The following SEMA4A variants were observed in gnomAD, a reference collection of about 807,000 sequenced individuals.
SEMA4A encodes the protein semaphorin 4A, also known as semaphorin-4A.
SEMA4A carries 52 observed loss-of-function variants against 72.5 expected under a neutral mutation model. That is an observed-to-expected ratio of 0.72 (90% confidence interval 0.57 to 0.90). The LOEUF (loss-of-function observed/expected upper bound fraction) is 0.90. Among genes scored for constraint, SEMA4A ranks in the 40% least tolerant of loss-of-function variants. The pLI is 0.00. For missense variants in SEMA4A, 926 were observed against 959.7 expected (o/e 0.96, Z 0.46); for synonymous variants, 369 against 393.1 (o/e 0.94, Z 0.73).
intron 9 of SEMA4A, 91 bp from the exon 10 acceptor site, chr1:156,162,853 C>T (rs1259723025): frequency 1.9e-6 from 3 of 1,543,312 alleles, no homozygotes; most frequent in Non-Finnish European, 2.7e-6. Context: ...ACACTCTTGC[C>T]TCCTGGGTTT....
At chr1:156,166,535 A>G (rs1349576414) in intron 10 of SEMA4A, among the ~76,000 whole-genome samples, 1 of 152,002 alleles carries the variant, frequency 6.6e-6, no homozygotes, top group Non-Finnish European at 1.5e-5. Context: ...CTACTGTCCA[A>G]GTCTTTGGTT....
upstream of SEMA4A, chr1:156,150,085 A>C (rs1652408612): frequency 6.8e-6 from 1 of 146,676 alleles, no homozygotes; most frequent in Admixed American, 6.9e-5. Context: ...CGGCATCCCC[A>C]GGCTCCAGGT....
At position 156,154,864 on chromosome 1, in the gene SEMA4A, G is replaced by A. The variant is rs560840228; in HGVS notation, c.139+147G>A. The A allele has an allele frequency of 8.8e-5, 90 of 1,020,566 alleles. 1 individual carries two copies. The highest frequency in any genetic ancestry group is 2.7e-4 in the Admixed American group (10 of 36,444). The allele number at this position is 1,020,566 out of a possible 1,614,324, so 63.2% of individuals were successfully genotyped here. On this transcript the variant is annotated intron_variant, in intron 2 of 14. Coordinates refer to ENST00000368285, the MANE Select transcript of SEMA4A (RefSeq NM_022367.4). The stretch of plus-strand genomic sequence containing the variant: ...ATGCCAGGGAGAAACAGAGGATCTC[G>A]GAGAAAGAGAGACACAGCCAGAAAC...
intron 10 of SEMA4A, among the ~76,000 whole-genome samples, chr1:156,169,407 CTTTTTTTTTT>C (rs766983966): frequency 2.0e-4 from 17 of 85,300 alleles, no homozygotes; most frequent in African/African-American, 7.4e-4. Context: ...CTTTTCTTTT[CTTTTTTTTTT>C]TTTTTTTTTT....
In SEMA4A at chr1:156,159,124, A is replaced by G. The variant is rs960074375; in HGVS notation, c.568+300A>G. The stretch of plus-strand genomic sequence containing the variant: ...TGAGGTGGGTGGATCATGTGACCCC[A>G]GGAGTCTGAGACCAGCCTGGTAAAC... On this transcript the variant is annotated intron_variant, in intron 6 of 14. Transcript: ENST00000368285. 3 of 413,260 alleles carry G rather than the reference A, an allele frequency of 7.3e-6. No homozygotes were observed. In the Admixed American group the frequency reaches 1.2e-4, roughly 16 times the overall value. 25.6% of individuals were successfully genotyped at this position (413,260 alleles called of 1,614,324 possible).
At chr1:156,167,082 G>A (rs1355322405) in intron 10 of SEMA4A, among the ~76,000 whole-genome samples, 1 of 151,538 alleles carries the variant, frequency 6.6e-6, no homozygotes, top group Non-Finnish European at 1.5e-5. Context: ...TTAATATTTT[G>A]TAGAGGCAGG....
chr1:156,176,522 C>G lies in SEMA4A; in HGVS notation c.1811C>G (p.Thr604Ser), dbSNP rs777396925. Reference protein sequence around the residue: ...GPAAVPEASSTVYNGSLLLIV... With the variant: ...GPAAVPEASSSVYNGSLLLIV... ...GCAGCAGTCCCAGAAGCCTCTTCCACTGTCTACAATGGCTCCCTCTTGCTG... is the reference window on the plus strand; with the variant it reads ...GCAGCAGTCCCAGAAGCCTCTTCCAGTGTCTACAATGGCTCCCTCTTGCTG... The change falls in exon 15 of 15, where the codon ACT becomes AGT. Residue 604 changes from threonine to serine, a missense_variant. Coordinates refer to ENST00000368285, the MANE Select transcript of SEMA4A (RefSeq NM_022367.4). 6.2e-7 allele frequency: 1 copy of G among 1,614,052 alleles called. No individual in the cohort carries two copies. The highest frequency in any genetic ancestry group is 8.5e-7 in the Non-Finnish European group (1 of 1,180,032).
In SEMA4A at chr1:156,163,019, A is replaced by C. The variant is rs1653810893; in HGVS notation, c.1059A>C (p.Lys353Asn). The C allele has an allele frequency of 5.0e-6, 8 of 1,614,202 alleles. No individual in the cohort carries two copies. The East Asian group carries it at 1.8e-4, about 36-fold the overall frequency. Residue 353 changes from lysine (K) to asparagine (N), a missense_variant, in exon 10 of 15, where the codon AAA becomes AAC. Coordinates refer to ENST00000368285, the MANE Select transcript of SEMA4A (RefSeq NM_022367.4). ...ACATTGAACGTGTCTTTAAGGGGAA[A>C]TACAAAGAGTTGAACAAAGAAACTT... ...LLDIERVFKG[K>N]YKELNKETSR...
chr1:156,162,817 G>A, intron 9 of SEMA4A, 127 bp from the exon 10 acceptor site: 2 of 1,144,614 alleles, frequency 1.7e-6, no homozygotes, highest in South Asian at 1.3e-5. Flanking sequence ...GGAAGGAGTG[G>A]TAGCTGGAGG....
chr1:156,175,050 G>T (rs749653211), intron 12 of SEMA4A, 36 bp from the exon 13 acceptor site: 2 of 1,614,214 alleles, frequency 1.2e-6, no homozygotes, highest in Non-Finnish European at 1.7e-6. Flanking sequence ...ACTAGATGTG[G>T]CTGGGGCTCC....
intron 6 of SEMA4A, among the ~76,000 whole-genome samples, 155 bp from the exon 7 acceptor site, chr1:156,160,288 G>A (rs780429858): frequency 1.3e-5 from 2 of 152,010 alleles, no homozygotes; most frequent in Non-Finnish European, 2.9e-5. Context: ...TAGTGAGGAG[G>A]GGGAGCTGGC....
rs1178179390 is a variant in SEMA4A, at chr1:156,158,143, G to A, written c.363+11G>A. 1 of 1,614,054 alleles carries A rather than the reference G, an allele frequency of 6.2e-7. No homozygotes were observed. Among genetic ancestry groups the A allele is most frequent in the East Asian group, 2.2e-5 (1 of 44,884 alleles). On this transcript the variant is annotated intron_variant, in intron 4 of 14. Coordinates refer to ENST00000368285, the MANE Select transcript of SEMA4A (RefSeq NM_022367.4). Reference sequence around the variant, plus strand: ...AAGAAGAGCAATGAGGTAAGTGGAGGTGGGGGAGTAGGGGTAGAGTGGGTA... The same window carrying A: ...AAGAAGAGCAATGAGGTAAGTGGAGATGGGGGAGTAGGGGTAGAGTGGGTA...
At chr1:156,161,558 C>T (rs371495787) in intron 9 of SEMA4A, 40 bp downstream of exon 9, 13 of 1,609,418 alleles carry the variant, frequency 8.1e-6, no homozygotes, top group Non-Finnish European at 1.1e-5. Flanking sequence ...GGACACGGGA[C>T]TTGACGCCAG....
At position 156,157,598 on chromosome 1, in the gene SEMA4A, T is replaced by C. The variant is rs1653161196; in HGVS notation, c.301-472T>C. ...TCCATGGTTCATGTATCCTGATGTG[T>C]AGTCTGCTGACCACCTGCACATATG... On this transcript the variant is annotated intron_variant, in intron 3 of 14. Transcript: ENST00000368285. This position sits in a 1 kb window ranked among gnomAD's most constrained non-coding sequence, Gnocchi z 4.5. Among the ~76,000 whole-genome samples, 1 of 152,242 alleles carries C rather than the reference T, an allele frequency of 6.6e-6. No individual in the cohort carries two copies. Among genetic ancestry groups the C allele is most frequent in the Non-Finnish European group, 1.5e-5 (1 of 68,052 alleles).
intron 10 of SEMA4A, among the ~76,000 whole-genome samples, chr1:156,168,651 A>G (rs1654413307): frequency 6.6e-6 from 1 of 151,920 alleles, no homozygotes; most frequent in African/African-American, 2.4e-5. Flanking sequence ...CATATTTAAC[A>G]GTGGGAGACC....
At chr1:156,162,867 C>T in intron 9 of SEMA4A, 77 bp from the exon 10 acceptor site, 1 of 1,589,678 alleles carries the variant, frequency 6.3e-7, no homozygotes. Context: ...TGGGTTTTCT[C>T]ACTGAGGGCC....
intron 10 of SEMA4A, among the ~76,000 whole-genome samples, chr1:156,164,549 C>T (rs775171626): frequency 2.0e-5 from 3 of 152,118 alleles, no homozygotes; most frequent in Non-Finnish European, 2.9e-5. Flanking sequence ...CAATGCAAAT[C>T]GGCTTTCTAA....
In SEMA4A at chr1:156,172,897, G is replaced by A; in HGVS notation, c.1206G>A (p.Val402=). The A allele has an allele frequency of 6.2e-7, 1 of 1,614,178 alleles. No individual in the cohort carries two copies. The highest frequency in any genetic ancestry group is 8.5e-7 in the Non-Finnish European group (1 of 1,180,026). ...MKDHFLMDEQ[V]VGTPLLVKSG... ...ACCATTTCCTGATGGATGAGCAAGT[G>A]GTGGGGACGCCCCTGCTGGTGAAAT... The change falls in exon 11 of 15, where the codon GTG becomes GTA. Residue 402 remains valine, a synonymous_variant. Transcript: ENST00000368285.
Position 156,158,082 on chromosome 1 carries a change from G to T in SEMA4A, c.313G>T (p.Ala105Ser). 1.2e-6 allele frequency: 2 copies of T among 1,614,120 alleles called. No individual in the cohort carries two copies. The highest frequency in any genetic ancestry group is 1.7e-6 in the Non-Finnish European group (2 of 1,180,018). Residue 105 changes from alanine to serine, a missense_variant, in exon 4 of 15, where the codon GCC becomes TCC. Coordinates refer to ENST00000368285, the MANE Select transcript of SEMA4A (RefSeq NM_022367.4). ...TCCCCACTTTCAGATACCGTGGCCA[G>T]CCAGTGACAGAAAAAAGAGTGAATG... is the stretch of plus-strand genomic sequence containing the variant. The part of the protein sequence containing the change: ...PRLKNMIPWP[A>S]SDRKKSECAF...
Sources: allele counts gnomAD v4.1 joint callset (sites outside exome capture counted in the v4.1 genomes callset), GRCh38; gene constraint gnomAD v4.1.1; non-coding constraint Gnocchi (gnomAD v3.1); transcripts MANE v1.5; gene names NCBI Gene and HGNC (gene_info 2026-07-23, HGNC 2026-07-21).